The following HERC2 variants were observed in gnomAD, a reference collection of about 807,000 sequenced individuals.
The protein encoded by HERC2 is HECT and RLD domain containing E3 ubiquitin protein ligase 2.
HERC2 carries 102 observed loss-of-function variants against 537.7 expected under a neutral mutation model. The observed-to-expected ratio is 0.19, with a 90% CI of 0.16 to 0.22. The LOEUF is 0.22. Among genes scored for constraint, HERC2 ranks in the 10% least tolerant of loss-of-function variants. The pLI, the probability that HERC2 is intolerant of heterozygous loss-of-function variation, is 1.00. For synonymous variants in HERC2, 2,224 were observed against 2,466.2 expected (o/e 0.90, Z 2.91); for missense variants, 4,236 against 6,198.2 (o/e 0.68, Z 10.63).
intron 5 of HERC2, among the ~76,000 whole-genome samples, chr15:28,277,478 AG>A (rs146468308): frequency 0.085 from 12,829 of 150,394 alleles, 1,841 homozygotes; most frequent in African/African-American, 0.3. Context: ...AAAAAAAAAA[AG>A]GGGCTTTTTT....
rs572542687 is a variant in HERC2, at chr15:28,241,083, A to G, written c.3578-2311T>C. Among the ~76,000 whole-genome samples, 3 of 152,324 alleles carry G rather than the reference A, an allele frequency of 2.0e-5. No individual in the cohort carries two copies. The South Asian group carries it at 6.2e-4, about 32-fold the overall frequency. ...TCAAAATCGAATACTTCTGTGCATC[A>G]AAGGAGGCTATCAAGAGTGAAACAG... On this transcript the variant is annotated intron_variant, in intron 23 of 92. Transcript: ENST00000261609.
chr15:28,266,470 G>A (rs1412752380), intron 12 of HERC2, among the ~76,000 whole-genome samples: 3 of 151,890 alleles, frequency 2.0e-5, no homozygotes, highest in Non-Finnish European at 4.4e-5. Flanking sequence ...AGGTGAGATC[G>A]CCCCATTGCA....
intron 70 of HERC2, among the ~76,000 whole-genome samples, chr15:28,152,321 C>A (rs1362913724): frequency 6.6e-6 from 1 of 152,188 alleles, no homozygotes; most frequent in African/African-American, 2.4e-5. Context: ...CAGAAGCTGT[C>A]CAGAAATGCA....
chr15:28,182,132 C>A (rs1363502824), intron 57 of HERC2, among the ~76,000 whole-genome samples: 1 of 152,168 alleles, frequency 6.6e-6, no homozygotes, highest in Non-Finnish European at 1.5e-5. Flanking sequence ...AGGCAAGATA[C>A]ACCTATTGAC....
At position 28,201,470 on chromosome 15, in the gene HERC2, T is replaced by C. The variant is rs768084937; in HGVS notation, c.7702A>G (p.Arg2568Gly). The C allele has an allele frequency of 1.2e-6, 2 of 1,603,008 alleles. No individual in the cohort carries two copies. The highest frequency in any genetic ancestry group is 1.7e-6 in the Non-Finnish European group (2 of 1,170,158). ...CAATTACTCACCTGAATATTCTCTCTCACATATACAGCATAATCATCATTA... is the reference window on the plus strand; with the variant it reads ...CAATTACTCACCTGAATATTCTCTCCCACATATACAGCATAATCATCATTA... The part of the protein sequence containing the change: ...LSNDDYAVYV[R>G]ENIQVGMMVR... The change falls in exon 48 of 93, where the codon AGA (arginine) becomes GGA (glycine). Residue 2568 changes from arginine (R) to glycine (G), a missense_variant. Arg to Gly is a moderately radical substitution (Grantham distance 125, BLOSUM62 -2). Transcript: ENST00000261609.
At chr15:28,255,335 A>G (rs548671888) in intron 19 of HERC2, among the ~76,000 whole-genome samples, 154 of 152,198 alleles carry the variant, frequency 1.0e-3, no homozygotes, top group African/African-American at 3.5e-3. Context: ...CGCTGTCTCA[A>G]AAAAAAAGAA....
At chr15:28,156,803 TGA>T (rs1893060382) in intron 69 of HERC2, among the ~76,000 whole-genome samples, 4 of 152,170 alleles carry the variant, frequency 2.6e-5, no homozygotes, top group Admixed American at 2.0e-4. Context: ...ACAGGAGTGG[TGA>T]GAGAGGGCAT....
chr15:28,247,525 T>A (rs949089288), intron 21 of HERC2, among the ~76,000 whole-genome samples: 1 of 148,582 alleles, frequency 6.7e-6, no homozygotes, highest in Non-Finnish European at 1.5e-5. Context: ...GCCTCCTGGG[T>A]TCAAGCGATT....
intron 86 of HERC2, among the ~76,000 whole-genome samples, chr15:28,120,901 G>C (rs1172946289): frequency 6.6e-6 from 1 of 152,166 alleles, no homozygotes; most frequent in Non-Finnish European, 1.5e-5. Context: ...TGCAAGAGAG[G>C]AGCAGGCTGC....
At chr15:28,150,604 G>A (rs762567575) in intron 70 of HERC2, among the ~76,000 whole-genome samples, 1 of 138,768 alleles carries the variant, frequency 7.2e-6, no homozygotes, top group Non-Finnish European at 1.5e-5. Flanking sequence ...ATGGCCACAC[G>A]AACGTACATT....
At chr15:28,270,274 C>G (rs1368779724) in intron 10 of HERC2, among the ~76,000 whole-genome samples, 1 of 151,272 alleles carries the variant, frequency 6.6e-6, no homozygotes. Flanking sequence ...GATAGACAGA[C>G]AGACAGACAT....
intron 37 of HERC2, among the ~76,000 whole-genome samples, chr15:28,219,923 T>A (rs1900342103): frequency 1.3e-5 from 2 of 152,302 alleles, no homozygotes; most frequent in Non-Finnish European, 2.9e-5. Flanking sequence ...GGTCCACCCC[T>A]AAATTCTCAC....
At position 28,265,487 on chromosome 15, in the gene HERC2, C is replaced by T; in HGVS notation, c.1870+131G>A. ...CACCCGGGCCTCTTCCCCAATGCCA[C>T]TGAGCCCCACACCCACTGGGCGACA... is the stretch of plus-strand genomic sequence containing the variant. On this transcript the variant is annotated intron_variant, in intron 14 of 92. Coordinates refer to ENST00000261609, the MANE Select transcript of HERC2 (RefSeq NM_004667.6). This position sits in a 1 kb window ranked among gnomAD's most constrained non-coding sequence, Gnocchi z 4.0. 1.4e-6 allele frequency: 1 copy of T among 697,702 alleles called. No homozygotes were observed. The highest frequency in any genetic ancestry group is 2.4e-6 in the Non-Finnish European group (1 of 408,218). The allele number at this position is 697,702 out of a possible 1,614,324, so 43.2% of individuals were successfully genotyped here. A position where few individuals can be genotyped will look rare whatever the true frequency, so the allele number is the denominator to read the frequency against.
chr15:28,215,922 T>A, intron 38 of HERC2, 120 bp from the exon 39 acceptor site: 1 of 713,144 alleles, frequency 1.4e-6, no homozygotes. Context: ...TTTACAAATA[T>A]ATTGCAGTTT....
intron 4 of HERC2, among the ~76,000 whole-genome samples, chr15:28,289,645 T>C (rs1325614489): frequency 2.0e-5 from 3 of 152,220 alleles, no homozygotes; most frequent in Admixed American, 6.5e-5. Context: ...AAGAGAAGTG[T>C]CCTTATCTAT....
intron 2 of HERC2, among the ~76,000 whole-genome samples, chr15:28,318,330 G>A (rs1294587871): frequency 1.3e-5 from 2 of 152,052 alleles, no homozygotes; most frequent in South Asian, 4.2e-4. Flanking sequence ...ACACCAAGCA[G>A]AAAAGTGTTG....
At chr15:28,169,337 T>C (rs1229004732) in intron 66 of HERC2, 147 bp downstream of exon 66, 21 of 559,540 alleles carry the variant, frequency 3.8e-5, no homozygotes, top group Non-Finnish European at 5.9e-5. Context: ...CCAATCACCA[T>C]CAAAGAACTT....
intron 5 of HERC2, among the ~76,000 whole-genome samples, chr15:28,277,178 T>C (rs1476685443): frequency 6.6e-6 from 1 of 151,894 alleles, no homozygotes; most frequent in African/African-American, 2.4e-5. Flanking sequence ...GCAGTTAAGG[T>C]GGGGAGAGAA....
chr15:28,171,850 G>A (rs547566498), intron 65 of HERC2, among the ~76,000 whole-genome samples: 5 of 152,036 alleles, frequency 3.3e-5, no homozygotes, highest in African/African-American at 7.2e-5. Context: ...CGAGGTGGGC[G>A]GATCACGAGG....
Sources: gnomAD v4.1 joint callset for allele counts (sites outside exome capture counted in the v4.1 genomes callset) on GRCh38, gnomAD v4.1.1 for gene constraint, Gnocchi (gnomAD v3.1) non-coding constraint, MANE v1.5 for transcripts, NCBI Gene and HGNC (gene_info 2026-07-23, HGNC 2026-07-21) for gene names.